The following NEMF variants were observed in gnomAD, a reference collection of about 807,000 sequenced individuals.
NEMF encodes ribosome quality control complex subunit NEMF.
A neutral mutation model predicts 162.2 loss-of-function variants in NEMF; 89 were observed. The observed-to-expected ratio is 0.55, with a 90% confidence interval of 0.46 to 0.65. NEMF has a LOEUF of 0.65. NEMF is among the 30% of genes least tolerant of loss of function. The pLI, the probability that NEMF is intolerant of heterozygous loss-of-function variation, is 0.00. For missense variants in NEMF, 1,133 were observed against 1,261.9 expected (o/e 0.90, Z 1.55); for synonymous variants, 421 against 404.5 (o/e 1.04, Z -0.49).
chr14:49,824,979 G>C (rs1239289218), intron 16 of NEMF, among the ~76,000 whole-genome samples: 1 of 152,190 alleles, frequency 6.6e-6, no homozygotes, highest in Non-Finnish European at 1.5e-5. Flanking sequence ...TCTGACCTCT[G>C]CAAGATGATA....
In NEMF at chr14:49,786,684, G is replaced by C. The variant is rs1890194700; in HGVS notation, c.2928+34C>G. The C allele has an allele frequency of 1.9e-6, 3 of 1,574,506 alleles. 1 individual carries two copies. In the South Asian group the frequency reaches 3.3e-5, roughly 17 times the overall value. On this transcript the variant is annotated intron_variant, in intron 29 of 32. Transcript: ENST00000298310. ...TTCTGGGAACTGAATTGTAATCACA[G>C]TGTTGTAGTAGGAACCCCAACATAA...
At position 49,852,718 on chromosome 14, in the gene NEMF, G is replaced by C. The variant is rs773814486; in HGVS notation, c.36C>G (p.Ala12=). The change falls in exon 1 of 33, where the codon GCC becomes GCG. Residue 12 remains alanine, a synonymous_variant. Transcript: ENST00000298310. ...ACCTAGCATTCAGCTCCGCGAGTAC[G>C]GCGCGGAGGTCAATGGTGCTAAAGC... ...KSRFSTIDLR[A]VLAELNASLL... 2.5e-6 allele frequency: 4 copies of C among 1,614,092 alleles called. No homozygotes were observed. Among genetic ancestry groups the C allele is most frequent in the Admixed American group, 1.7e-5 (1 of 60,008 alleles).
chr14:49,840,643 A>C, intron 5 of NEMF, 75 bp downstream of exon 5: 2 of 1,314,550 alleles, frequency 1.5e-6, no homozygotes, highest in Non-Finnish European at 2.1e-6. Flanking sequence ...CTTTTTTTTA[A>C]GAGACAGGGT....
chr14:49,785,968 T>C (rs1890159409), intron 29 of NEMF: 1 of 151,598 alleles, frequency 6.6e-6, no homozygotes, highest in Non-Finnish European at 1.5e-5. Context: ...AATGATGCAA[T>C]AATAACCACA....
chr14:49,827,599 G>A (rs202221424), intron 15 of NEMF, among the ~76,000 whole-genome samples: 1 of 152,158 alleles, frequency 6.6e-6, no homozygotes, highest in African/African-American at 2.4e-5. Flanking sequence ...GATCACCTGA[G>A]GTCAGCAGTT....
In NEMF at chr14:49,829,555, G is replaced by A; in HGVS notation, c.946-129C>T. On this transcript the variant is annotated intron_variant, in intron 11 of 32. Transcript: ENST00000298310. The stretch of plus-strand genomic sequence containing the variant: ...TATCTAGCTAGCTGAAGTTCCCATA[G>A]TCTACCACCCTAGGCCTATCCCACT... 5.4e-6 allele frequency: 4 copies of A among 743,204 alleles called. No homozygotes were observed. In the South Asian group the frequency reaches 7.1e-5, roughly 13 times the overall value. The allele number at this position is 743,204 out of a possible 1,614,324, so 46.0% of individuals were successfully genotyped here. A position where few individuals can be genotyped will look rare whatever the true frequency, so the allele number is the denominator to read the frequency against.
intron 14 of NEMF, 31 bp from the exon 15 acceptor site, chr14:49,828,385 G>C: frequency 7.3e-7 from 1 of 1,364,500 alleles, no homozygotes; most frequent in South Asian, 1.3e-5. Context: ...TAAATTTTAA[G>C]TATAATATTT....
intron 25 of NEMF, chr14:49,796,166 T>C (rs1890683433): frequency 1.7e-6 from 1 of 578,148 alleles, no homozygotes; most frequent in Admixed American, 2.5e-5. Context: ...CTTTCCATCA[T>C]CCAAGCTCAA....
chr14:49,833,361 C>T (rs1382610673), intron 8 of NEMF, 62 bp downstream of exon 8: 8 of 969,084 alleles, frequency 8.3e-6, no homozygotes, highest in Middle Eastern at 3.4e-4. Flanking sequence ...CTTTAATGAA[C>T]GTTTAATTTC....
At chr14:49,800,820 G>A (rs1890919219) in intron 22 of NEMF, 124 bp from the exon 23 acceptor site, 1 of 881,280 alleles carries the variant, frequency 1.1e-6, no homozygotes, top group Non-Finnish European at 1.7e-6. Context: ...ACAGAAAAGT[G>A]TCTGATCATT....
chr14:49,782,406 A>G lies in NEMF; in HGVS notation c.*2230T>C, dbSNP rs374599682. The G allele has an allele frequency of 3.2e-5, 52 of 1,612,612 alleles. No homozygotes were observed. The highest frequency in any genetic ancestry group is 1.3e-4 in the Admixed American group (8 of 59,952). ...CAGCTTGTGCCAGCGATGAAGGAGA[A>G]GTAATTGTTTTTGGTGGATGTGCCA... is the stretch of plus-strand genomic sequence containing the variant. On this transcript the variant is annotated 3_prime_UTR_variant, in exon 33 of 33. Transcript: ENST00000298310.
intron 28 of NEMF, among the ~76,000 whole-genome samples, chr14:49,788,807 T>C (rs1890307338): frequency 6.6e-6 from 1 of 152,158 alleles, no homozygotes; most frequent in Non-Finnish European, 1.5e-5. Context: ...TCTGCCTGCC[T>C]TGGCCTCTCA....
rs1893671098 is a variant in NEMF, at chr14:49,849,515, T to C, written c.231+2048A>G. The C allele has an allele frequency of 2.0e-5, 3 of 152,240 alleles. No homozygotes were observed. In the South Asian group the frequency reaches 6.2e-4, roughly 31 times the overall value. The allele number at this position is 152,240 out of a possible 1,614,324, so 9.4% of individuals were successfully genotyped here. ...TGTGCCATGCAACAGTAACAGCTCT[T>C]TGATTTATAAAGTGCTTAACATTGT... On this transcript the variant is annotated intron_variant, in intron 3 of 32. Transcript: ENST00000298310.
chr14:49,851,393 G>C (rs900743173), intron 3 of NEMF, among the ~76,000 whole-genome samples, 170 bp downstream of exon 3: 2 of 152,150 alleles, frequency 1.3e-5, no homozygotes, highest in Non-Finnish European at 2.9e-5. Flanking sequence ...AGGTAATGGG[G>C]AGAAATCAAT....
intron 6 of NEMF, among the ~76,000 whole-genome samples, chr14:49,837,002 C>T (rs563726232): frequency 3.3e-5 from 5 of 152,200 alleles, no homozygotes; most frequent in South Asian, 2.1e-4. Context: ...AGGCCAGGCA[C>T]GGTGCCTCAC....
At chr14:49,827,855 G>C (rs1335652645) in intron 15 of NEMF, among the ~76,000 whole-genome samples, 3 of 151,900 alleles carry the variant, frequency 2.0e-5, no homozygotes, top group African/African-American at 7.3e-5. Context: ...GTGGAGAACA[G>C]ACTGTAGTGG....
rs1890342547 is a variant in NEMF at position 49,789,523 on chromosome 14, GTCT to G, written c.2667_2669del (p.Glu889del). 6.2e-7 allele frequency: 1 copy of G among 1,612,508 alleles called. No homozygotes were observed. The highest frequency in any genetic ancestry group is 8.5e-7 in the Non-Finnish European group (1 of 1,179,696). The stretch of plus-strand genomic sequence containing the variant: ...CCAGCAACTTCATGATAAGTTCACG[GTCT>G]TCTTCATCCTGGTCTTTGTATTTTT... On this transcript the variant is annotated inframe_deletion, in exon 27 of 33. Coordinates refer to ENST00000298310, the MANE Select transcript of NEMF (RefSeq NM_004713.6).
rs573246302 is a variant in NEMF at position 49,817,449 on chromosome 14, AAAAC to A, written c.1578-2596_1578-2593del. Among the ~76,000 whole-genome samples, 40 of 151,604 alleles carry A rather than the reference AAAAC, an allele frequency of 2.6e-4. 1 individual carries two copies. Among genetic ancestry groups the A allele is most frequent in the Non-Finnish European group, 4.7e-4 (32 of 68,020 alleles). On this transcript the variant is annotated intron_variant, in intron 16 of 32. Coordinates refer to ENST00000298310, the MANE Select transcript of NEMF (RefSeq NM_004713.6). ...AGCAAGACTATGTCTCAAAAAACAAAAAACAAACAAATAAAAAAGATATACCATG... is the reference window on the plus strand; with the variant it reads ...AGCAAGACTATGTCTCAAAAAACAAAAAACAAATAAAAAAGATATACCATG...
At chr14:49,841,231 CAA>C (rs1320936674) in intron 4 of NEMF, among the ~76,000 whole-genome samples, 3 of 116,440 alleles carry the variant, frequency 2.6e-5, no homozygotes, top group Admixed American at 8.7e-5. Context: ...AATAAAAAAA[CAA>C]AACAAAACAG....
Sources: allele counts gnomAD v4.1 joint callset (sites outside exome capture counted in the v4.1 genomes callset), GRCh38; gene constraint gnomAD v4.1.1; transcripts MANE v1.5; gene names NCBI Gene and HGNC (gene_info 2026-07-23, HGNC 2026-07-21).